The following NAV3 variants were observed in gnomAD, a reference collection of about 807,000 sequenced individuals.
The protein encoded by NAV3 is pore membrane and/or filament interacting like protein 1.
A neutral mutation model predicts 244.7 loss-of-function variants in NAV3; 87 were observed. That is an observed-to-expected ratio of 0.36 (90% CI 0.30 to 0.42). NAV3 has a LOEUF of 0.42. Among genes scored for constraint, NAV3 ranks in the 20% least tolerant of loss-of-function variants. The pLI, the probability that NAV3 is intolerant of heterozygous loss-of-function variation, is 1.00. For synonymous variants in NAV3, 1,126 were observed against 1,042.2 expected (o/e 1.08, Z -1.55); for missense variants, 2,663 against 2,893.3 (o/e 0.92, Z 1.83).
intron 22 of NAV3, among the ~76,000 whole-genome samples, chr12:78,151,913 T>A (rs1957094816): frequency 6.6e-6 from 1 of 151,350 alleles, no homozygotes; most frequent in Admixed American, 6.6e-5. Context: ...ATTTTAAGTA[T>A]CAGATACTGA....
At chr12:78,008,329 A>G (rs1874611862) in intron 8 of NAV3, among the ~76,000 whole-genome samples, 1 of 152,090 alleles carries the variant, frequency 6.6e-6, no homozygotes, top group East Asian at 1.9e-4. Context: ...TATGCATTTT[A>G]AAATATGCAT....
At chr12:77,817,479 C>T (rs894407519) in intron 2 of NAV3, among the ~76,000 whole-genome samples, 1 of 151,800 alleles carries the variant, frequency 6.6e-6, no homozygotes, top group Non-Finnish European at 1.5e-5. Flanking sequence ...TTGACAGAGT[C>T]GTTTGTTGAT....
intron 2 of NAV3, among the ~76,000 whole-genome samples, chr12:77,636,955 A>G (rs888653647): frequency 7.2e-5 from 11 of 152,020 alleles, no homozygotes; most frequent in African/African-American, 2.7e-4. Flanking sequence ...ACACATGGAC[A>G]CAGGGAGGGG....
chr12:77,980,041 T>C lies in NAV3; in HGVS notation c.671+11339T>C, dbSNP rs1869278978. ...ATGAGGGAGGGATAAGGAAGAGGAA[T>C]TGGTCAACAGGAAGCAGGTGGTCAG... is the stretch of plus-strand genomic sequence containing the variant. On this transcript the variant is annotated intron_variant, in intron 5 of 39. Coordinates refer to ENST00000397909, the MANE Select transcript of NAV3 (RefSeq NM_001024383.2). Among the ~76,000 whole-genome samples the C allele has an allele frequency of 2.0e-5, 3 of 151,984 alleles. 1 individual carries two copies. The highest frequency in any genetic ancestry group is 2.0e-4 in the Admixed American group (3 of 15,240).
chr12:77,735,225 A>G (rs1175491093), intron 2 of NAV3, among the ~76,000 whole-genome samples: 1 of 152,148 alleles, frequency 6.6e-6, no homozygotes, highest in Non-Finnish European at 1.5e-5. Context: ...TAAGATACAT[A>G]TTGAAAATGA....
chr12:78,154,129 T>A (rs945952984), intron 22 of NAV3, among the ~76,000 whole-genome samples: 5 of 125,538 alleles, frequency 4.0e-5, no homozygotes, highest in Non-Finnish European at 8.7e-5. Context: ...TAGGCATATA[T>A]GTGTGTGTGT....
intron 39 of NAV3, among the ~76,000 whole-genome samples, chr12:78,208,971 GAGAA>G (rs139210505): frequency 0.021 from 3,156 of 152,242 alleles, 36 homozygotes; most frequent in Non-Finnish European, 0.034. Flanking sequence ...GTGGGTGACA[GAGAA>G]AGAGAGAGGA....
At chr12:78,195,807 A>C (rs1454195244) in intron 34 of NAV3, among the ~76,000 whole-genome samples, 1 of 152,006 alleles carries the variant, frequency 6.6e-6, no homozygotes, top group Admixed American at 6.6e-5. Context: ...ATCTCATAAT[A>C]TATTTATGAT....
intron 1 of NAV3, among the ~76,000 whole-genome samples, chr12:77,894,371 A>C (rs1029173380): frequency 2.6e-5 from 4 of 152,226 alleles, no homozygotes; most frequent in Non-Finnish European, 5.9e-5. Flanking sequence ...GTGATATTTC[A>C]TGTTAATATA....
intron 1 of NAV3, among the ~76,000 whole-genome samples, chr12:77,844,071 G>C (rs74106567): frequency 0.012 from 1,764 of 152,256 alleles, 36 homozygotes; most frequent in African/African-American, 0.04. Context: ...GCTTTAATCA[G>C]TGCATTTGTG....
intron 2 of NAV3, among the ~76,000 whole-genome samples, chr12:77,673,483 C>G (rs902215978): frequency 6.6e-6 from 1 of 151,988 alleles, no homozygotes; most frequent in Non-Finnish European, 1.5e-5. Flanking sequence ...TTTTCAACTT[C>G]CTACATTTAT....
At chr12:78,127,064 C>A in intron 16 of NAV3, 103 bp from the exon 17 acceptor site, 2 of 1,137,298 alleles carry the variant, frequency 1.8e-6, no homozygotes, top group Non-Finnish European at 2.6e-6. Context: ...ATGTGTGTTA[C>A]CAAAAAATTA....
chr12:77,620,076 C>T (rs549744071), intron 2 of NAV3, among the ~76,000 whole-genome samples: 1 of 152,066 alleles, frequency 6.6e-6, no homozygotes, highest in East Asian at 1.9e-4. Context: ...CTTTTTAGAA[C>T]AAGTAATAAA....
At chr12:77,657,757 C>T (rs955847902) in intron 2 of NAV3, among the ~76,000 whole-genome samples, 1 of 152,258 alleles carries the variant, frequency 6.6e-6, no homozygotes, top group South Asian at 2.1e-4. Flanking sequence ...AGCTTATCCA[C>T]CATGATCAAG....
chr12:77,588,288 AT>A (rs139966995), intron 2 of NAV3, among the ~76,000 whole-genome samples: 13 of 149,050 alleles, frequency 8.7e-5, no homozygotes, highest in Admixed American at 2.0e-4. Flanking sequence ...TGATTTTTTT[AT>A]TTTTTTTTTG....
chr12:77,834,484 T>C (rs1449411632), intron 1 of NAV3, among the ~76,000 whole-genome samples: 1 of 152,204 alleles, frequency 6.6e-6, no homozygotes, highest in African/African-American at 2.4e-5. Flanking sequence ...AGAAATGCCA[T>C]AAAATTCCAT....
chr12:77,875,825 C>A (rs776535232), intron 1 of NAV3, among the ~76,000 whole-genome samples: 27 of 151,984 alleles, frequency 1.8e-4, no homozygotes, highest in Non-Finnish European at 3.2e-4. Context: ...AATAAGTAGT[C>A]TATACTTTCT....
chr12:77,639,286 CT>C, intron 2 of NAV3, among the ~76,000 whole-genome samples: 1 of 152,248 alleles, frequency 6.6e-6, no homozygotes, highest in Non-Finnish European at 1.5e-5. Context: ...GTGTACTTGT[CT>C]AAGTGCTAGT....
At chr12:77,751,613 G>GC (rs1388982854) in intron 2 of NAV3, among the ~76,000 whole-genome samples, 4 of 151,798 alleles carry the variant, frequency 2.6e-5, no homozygotes, top group African/African-American at 4.8e-5. Flanking sequence ...ATTTCCTGAG[G>GC]CCCCCCCAGC....
Sources: allele counts gnomAD v4.1 joint callset (sites outside exome capture counted in the v4.1 genomes callset), GRCh38; gene constraint gnomAD v4.1.1; transcripts MANE v1.5; gene names NCBI Gene and HGNC (gene_info 2026-07-23, HGNC 2026-07-21).